Variants in PTPRG observed in about 807,000 individuals in gnomAD.
The protein encoded by PTPRG is protein tyrosine phosphatase receptor type G.
A neutral mutation model predicts 165.3 loss-of-function variants in PTPRG; 102 were observed. The observed-to-expected ratio is 0.62, with a 90% CI of 0.53 to 0.73. The LOEUF (loss-of-function observed/expected upper bound fraction) is 0.73, where lower values mean the gene tolerates loss of function less well. Ranked by LOEUF, PTPRG falls within the 30% of genes least tolerant of loss-of-function variation. The probability of loss-of-function intolerance (pLI) is 0.00; values close to 1 mark genes in which losing one functional copy is unlikely to be tolerated. For missense variants in PTPRG, 1,866 were observed against 1,861.4 expected (o/e 1.00, Z -0.05); for synonymous variants, 675 against 669.5 (o/e 1.01, Z -0.13).
intron 1 of PTPRG, among the ~76,000 whole-genome samples, chr3:61,563,939 G>A (rs1336704018): frequency 6.6e-6 from 1 of 151,102 alleles, no homozygotes; most frequent in Non-Finnish European, 1.5e-5. Context: ...CCTGCCCGCG[G>A]AGCGGCACGG....
chr3:61,640,722 A>G (rs1008686107), intron 1 of PTPRG, among the ~76,000 whole-genome samples: 1 of 152,224 alleles, frequency 6.6e-6, no homozygotes, highest in Admixed American at 6.5e-5. Flanking sequence ...AGTCTAACAC[A>G]AACTGCAGTT....
intron 2 of PTPRG, chr3:61,753,459 G>T: frequency 3.2e-6 from 1 of 313,494 alleles, no homozygotes; most frequent in Non-Finnish European, 6.4e-6. Context: ...ATGAATTTTG[G>T]AGTTTGCCCA....
chr3:61,569,291 C>G (rs1002890115), intron 1 of PTPRG, among the ~76,000 whole-genome samples: 2 of 152,126 alleles, frequency 1.3e-5, no homozygotes, highest in Non-Finnish European at 2.9e-5. Context: ...CATTGCTAGC[C>G]GTGCTACCTT....
chr3:62,010,484 G>A (rs2041395666), intron 4 of PTPRG, among the ~76,000 whole-genome samples: 1 of 151,476 alleles, frequency 6.6e-6, no homozygotes. Flanking sequence ...TAAGAAATGG[G>A]GTCCTGTTCA....
At chr3:62,111,116 A>T (rs2106858727) in intron 5 of PTPRG, among the ~76,000 whole-genome samples, 1 of 152,298 alleles carries the variant, frequency 6.6e-6, no homozygotes, top group South Asian at 2.1e-4. Context: ...GTATGGAATA[A>T]TATTTAAGAT....
At chr3:61,961,557 A>G (rs2040153228) in intron 2 of PTPRG, among the ~76,000 whole-genome samples, 1 of 152,212 alleles carries the variant, frequency 6.6e-6, no homozygotes, top group South Asian at 2.1e-4. Context: ...TTCCTCAAAG[A>G]TCAGATATTC....
chr3:61,701,240 A>G (rs2030937710), intron 1 of PTPRG, among the ~76,000 whole-genome samples: 1 of 152,118 alleles, frequency 6.6e-6, no homozygotes, highest in African/African-American at 2.4e-5. Context: ...GTGTTTCCTC[A>G]TGGTCTTGTC....
intron 13 of PTPRG, among the ~76,000 whole-genome samples, chr3:62,225,221 C>T (rs2106904940): frequency 6.6e-6 from 1 of 152,304 alleles, no homozygotes; most frequent in African/African-American, 2.4e-5. Flanking sequence ...GCATCCCCTG[C>T]CTTACCAAGA....
At chr3:62,119,792 T>TC (rs1239171135) in intron 5 of PTPRG, among the ~76,000 whole-genome samples, 1 of 146,748 alleles carries the variant, frequency 6.8e-6, no homozygotes, top group African/African-American at 2.5e-5. Flanking sequence ...GGCTAATTTT[T>TC]TTTTTTTTTT....
chr3:62,098,083 G>T (rs114244113), intron 5 of PTPRG, among the ~76,000 whole-genome samples: 1,577 of 152,090 alleles, frequency 0.01, 26 homozygotes, highest in Non-Finnish European at 0.011. Context: ...ACTGATAAAA[G>T]AATTAGAAAA....
chr3:61,976,221 C>G (rs778821713), intron 2 of PTPRG, among the ~76,000 whole-genome samples: 20 of 152,210 alleles, frequency 1.3e-4, no homozygotes, highest in Non-Finnish European at 2.8e-4. Context: ...CCTGGGAATT[C>G]TAGATAATGC....
At chr3:61,585,945 C>T (rs1388874078) in intron 1 of PTPRG, among the ~76,000 whole-genome samples, 1 of 152,132 alleles carries the variant, frequency 6.6e-6, no homozygotes, top group Non-Finnish European at 1.5e-5. Context: ...CTGCTGCCTA[C>T]CTTGGGGAAC....
chr3:61,626,028 GGGC>G, intron 1 of PTPRG, among the ~76,000 whole-genome samples: 1 of 105,406 alleles, frequency 9.5e-6, no homozygotes, highest in African/African-American at 4.6e-5. Context: ...TTTTTTGGGG[GGGC>G]GGGAGAGATC....
At chr3:61,608,517 A>G (rs940218477) in intron 1 of PTPRG, among the ~76,000 whole-genome samples, 5 of 152,176 alleles carry the variant, frequency 3.3e-5, no homozygotes, top group Non-Finnish European at 5.9e-5. Context: ...GCCACCCACA[A>G]CTGCATGTGG....
intron 2 of PTPRG, among the ~76,000 whole-genome samples, chr3:61,839,284 GTAGAT>G (rs2036554027): frequency 6.6e-6 from 1 of 152,110 alleles, no homozygotes; most frequent in African/African-American, 2.4e-5. Context: ...TTACTGTTCG[GTAGAT>G]TAGAGTTTGG....
intron 2 of PTPRG, among the ~76,000 whole-genome samples, chr3:61,939,434 G>T (rs201841272): frequency 1.5e-4 from 23 of 152,170 alleles, no homozygotes; most frequent in African/African-American, 5.5e-4. Flanking sequence ...TAATAAAATC[G>T]CAGTGTGAAG....
At chr3:62,178,209 G>T (rs931251638) in intron 8 of PTPRG, among the ~76,000 whole-genome samples, 24 of 152,004 alleles carry the variant, frequency 1.6e-4, no homozygotes, top group Non-Finnish European at 1.5e-5. Flanking sequence ...ATGGATGGAT[G>T]GGAGGATGGA....
rs377430497 is a variant in PTPRG at position 61,841,082 on chromosome 3, G to A, written c.190+92100G>A. The stretch of plus-strand genomic sequence containing the variant: ...CAGATGTGAGCCACCACACCCGGCC[G>A]ATAGGTAGCTATCTTAATAATGCCC... On this transcript the variant is annotated intron_variant, in intron 2 of 29. Coordinates refer to ENST00000474889, the MANE Select transcript of PTPRG (RefSeq NM_002841.4). Among the ~76,000 whole-genome samples, 12 of 152,160 alleles carry A rather than the reference G, an allele frequency of 7.9e-5. No individual in the cohort carries two copies. In the East Asian group the frequency reaches 1.2e-3, roughly 15 times the overall value.
chr3:62,165,075 C>A (rs1033844641), intron 7 of PTPRG, among the ~76,000 whole-genome samples: 2 of 152,130 alleles, frequency 1.3e-5, no homozygotes, highest in African/African-American at 4.8e-5. Flanking sequence ...TAATTTAAGC[C>A]AATTTCCGTT....
Sources: allele counts gnomAD v4.1 joint callset (sites outside exome capture counted in the v4.1 genomes callset), GRCh38; gene constraint gnomAD v4.1.1; transcripts MANE v1.5; gene names NCBI Gene and HGNC (gene_info 2026-07-23, HGNC 2026-07-21).